Variants in ANKRD13D observed in about 807,000 individuals in gnomAD.
ANKRD13D encodes ankyrin repeat domain-containing protein 13D.
Under a neutral mutation model 68.8 loss-of-function variants are expected in ANKRD13D, and 24 were observed. The ratio of observed to expected loss-of-function variants is 0.35; its 90% CI spans 0.25 to 0.49. ANKRD13D has a LOEUF of 0.49. ANKRD13D is among the 20% of genes least tolerant of loss of function. The pLI is 0.99. For synonymous variants in ANKRD13D, 331 were observed against 336.1 expected, an observed-to-expected ratio of 0.98 and a Z score of 0.16; for missense variants, 735 against 832.1, an observed-to-expected ratio of 0.88 and a Z score of 1.44.
At chr11:67,292,557 C>T (rs1404740894) in intron 6 of ANKRD13D, among the ~76,000 whole-genome samples, 1 of 151,864 alleles carries the variant, frequency 6.6e-6, no homozygotes, top group East Asian at 1.9e-4. Flanking sequence ...GGAACCTGAC[C>T]CTTCCAGCAA....
In ANKRD13D at chr11:67,291,354, A is replaced by G. The variant is rs1590864175; in HGVS notation, c.352-122A>G. The G allele has an allele frequency of 9.7e-6, 5 of 518,010 alleles. No homozygotes were observed. The South Asian group carries it at 2.6e-4, about 27-fold the overall frequency. The allele number at this position is 518,010 out of a possible 1,614,324, so 32.1% of individuals were successfully genotyped here. ...GCCTGGGTGACAGAGCAAGTCTCAA[A>G]AAAAAAAAAAAAAAAAAAAAAGACC... On this transcript the variant is annotated intron_variant, in intron 3 of 14. Transcript: ENST00000511455.
Position 67,299,282 on chromosome 11 carries a change from A to AGGGGCT in ANKRD13D, c.798+161_798+162insGCTGGG. On this transcript the variant is annotated intron_variant, in intron 7 of 14. Transcript: ENST00000511455. The surrounding 1 kb of genome is among the most constrained non-coding windows in gnomAD (Gnocchi z 6.2). ...AGTGCCCAGCCCCTGCGGAGTACAC[A>AGGGGCT]GGGCTCACCCACATCATGGGCCCCT... The AGGGGCT allele has an allele frequency of 1.2e-6, 1 of 868,528 alleles. No homozygotes were observed. The highest frequency in any genetic ancestry group is 1.8e-6 in the Non-Finnish European group (1 of 555,056). The allele number at this position is 868,528 out of a possible 1,614,324, so 53.8% of individuals were successfully genotyped here. A position where few individuals can be genotyped will look rare whatever the true frequency, so the allele number is the denominator to read the frequency against.
chr11:67,297,524 TGG>T (rs1860801087), intron 6 of ANKRD13D, among the ~76,000 whole-genome samples: 12 of 77,844 alleles, frequency 1.5e-4, no homozygotes, highest in Admixed American at 1.2e-3. Context: ...ATAAGTTTTT[TGG>T]TTTTTTTTTT....
intron 6 of ANKRD13D, among the ~76,000 whole-genome samples, chr11:67,295,425 A>G (rs926114568): frequency 3.3e-5 from 5 of 149,976 alleles, no homozygotes; most frequent in African/African-American, 9.9e-5. Context: ...TCAAAAAAAA[A>G]GGGGGGTGGT....
intron 6 of ANKRD13D, among the ~76,000 whole-genome samples, chr11:67,295,879 C>A (rs930581471): frequency 5.3e-5 from 8 of 152,064 alleles, no homozygotes; most frequent in Non-Finnish European, 7.4e-5. Flanking sequence ...TGGTAGATAC[C>A]CTTCATCAGG....
chr11:67,290,026 C>T (rs1460419657), intron 1 of ANKRD13D, 52 bp from the exon 2 acceptor site: 2 of 1,507,326 alleles, frequency 1.3e-6, no homozygotes, highest in East Asian at 2.5e-5. Flanking sequence ...TGGCAGCCTC[C>T]CTGCCTTGCC....
In ANKRD13D at chr11:67,289,435, G is replaced by T; in HGVS notation, c.-26G>T. The T allele has an allele frequency of 7.0e-7, 1 of 1,426,230 alleles. No individual in the cohort carries two copies. Among genetic ancestry groups the T allele is most frequent in the Non-Finnish European group, 9.1e-7 (1 of 1,095,936 alleles). 88.3% of individuals were successfully genotyped at this position (1,426,230 alleles called of 1,614,324 possible). The stretch of plus-strand genomic sequence containing the variant: ...GTGCCAGGCCCGAAGCCGAGGCGGG[G>T]CCGGGATGCGGCGCTGAGGCCCAGC... On this transcript the variant is annotated 5_prime_UTR_variant, in exon 1 of 15. Coordinates refer to ENST00000511455, the MANE Select transcript of ANKRD13D (RefSeq NM_207354.3).
In ANKRD13D at chr11:67,299,122, A is replaced by C. The variant is rs1323647194; in HGVS notation, c.796A>C (p.Lys266Gln). The C allele has an allele frequency of 2.6e-6, 3 of 1,147,688 alleles. No individual in the cohort carries two copies. Among genetic ancestry groups the C allele is most frequent in the South Asian group, 1.2e-5 (1 of 82,032 alleles). 71.1% of individuals were successfully genotyped at this position (1,147,688 alleles called of 1,614,324 possible). ...KMETVSGYEA[K>Q]VYSATNVELV... ...GGAAACTGTTAGCGGCTACGAGGCC[A>C]AGGCAGGAGAGGCTAGGGGTGGGGG... Residue 266 changes from lysine to glutamine, a missense_variant and splice_region_variant, in exon 7 of 15, where the codon AAG becomes CAG. By Grantham distance (53) the Lys-to-Gln change is moderately conservative. Transcript: ENST00000511455. This position sits in a 1 kb window ranked among gnomAD's most constrained non-coding sequence, Gnocchi z 6.2.
At chr11:67,292,948 T>A (rs1203235649) in intron 6 of ANKRD13D, among the ~76,000 whole-genome samples, 3 of 152,236 alleles carry the variant, frequency 2.0e-5, no homozygotes, top group Admixed American at 2.0e-4. Context: ...TCACTTAGTA[T>A]AATATATTCA....
Position 67,290,369 on chromosome 11 carries a change from G to C in ANKRD13D, c.274G>C (p.Val92Leu), listed in dbSNP as rs764208135. The change falls in exon 3 of 15, where the codon GTG (valine) becomes CTG (leucine). Residue 92 changes from valine (V) to leucine (L), a missense_variant. Val to Leu is a conservative substitution (Grantham distance 32). Transcript: ENST00000511455. ...STGDPEMVQL[V>L]LQYRDYQRAT... is the part of the protein sequence containing the mutation. ...TGGAGACCCCGAGATGGTGCAGCTG[G>C]TGCTCCAGTATCGGGACTACCAGAG... 2 of 1,582,018 alleles carry C rather than the reference G, an allele frequency of 1.3e-6. No homozygotes were observed. Among genetic ancestry groups the C allele is most frequent in the Non-Finnish European group, 1.7e-6 (2 of 1,164,882 alleles).
chr11:67,301,337 C>G lies in ANKRD13D; in HGVS notation c.1287C>G (p.Gly429=). 1 of 1,613,830 alleles carries G rather than the reference C, an allele frequency of 6.2e-7. No homozygotes were observed. The highest frequency in any genetic ancestry group is 8.5e-7 in the Non-Finnish European group (1 of 1,179,922). The part of the protein sequence containing the change: ...NARITFSNLC[G]CDEPLSSVWV... The stretch of plus-strand genomic sequence containing the variant: ...GCATCACCTTCAGCAACCTGTGTGG[C>G]TGTGATGAGCCCCTGAGCTCCGTGT... The change falls in exon 12 of 15, where the codon GGC becomes GGG. Residue 429 remains glycine (G), a synonymous_variant. Transcript: ENST00000511455. This position sits in a 1 kb window ranked among gnomAD's most constrained non-coding sequence, Gnocchi z 4.5.
rs1385293737 is a variant in ANKRD13D at position 67,300,668 on chromosome 11, C to T, written c.1074-322C>T. 2.0e-6 allele frequency: 1 copy of T among 506,030 alleles called. No individual in the cohort carries two copies. Among genetic ancestry groups the T allele is most frequent in the African/African-American group, 1.9e-5 (1 of 51,332 alleles). 31.3% of individuals were successfully genotyped at this position (506,030 alleles called of 1,614,324 possible). A position where few individuals can be genotyped will look rare whatever the true frequency, so the allele number is the denominator to read the frequency against. ...TGGCAACACGTGAGCTGGTGACCAG[C>T]TCTGGGCTGAGGAGGAAAACGGGGC... On this transcript the variant is annotated intron_variant, in intron 10 of 14. Coordinates refer to ENST00000511455, the MANE Select transcript of ANKRD13D (RefSeq NM_207354.3). The surrounding 1 kb of genome is among the most constrained non-coding windows in gnomAD (Gnocchi z 4.3).
intron 3 of ANKRD13D, chr11:67,290,905 C>T (rs147851366): frequency 5.6e-6 from 1 of 178,336 alleles, no homozygotes; most frequent in African/African-American, 2.4e-5. Flanking sequence ...AACAAAGGCT[C>T]CCCCAGGGCT....
Position 67,301,993 on chromosome 11 carries a change from C to T in ANKRD13D, c.1605-126C>T, listed in dbSNP as rs1041725383. On this transcript the variant is annotated intron_variant, in intron 14 of 14. Transcript: ENST00000511455. The surrounding 1 kb of genome is among the most constrained non-coding windows in gnomAD (Gnocchi z 4.5). ...GAGGGGTGGGGAAGCAGGGCCCTGC[C>T]TTGTCTCCTCTGCTTGCCACCCTGT... 40 of 1,358,740 alleles carry T rather than the reference C, an allele frequency of 2.9e-5. No homozygotes were observed. The highest frequency in any genetic ancestry group is 3.7e-5 in the Non-Finnish European group (38 of 1,014,660). 84.2% of individuals were successfully genotyped at this position (1,358,740 alleles called of 1,614,324 possible). A position where few individuals can be genotyped will look rare whatever the true frequency, so the allele number is the denominator to read the frequency against.
intron 6 of ANKRD13D, among the ~76,000 whole-genome samples, chr11:67,295,012 A>G (rs1309161704): frequency 1.3e-5 from 2 of 152,086 alleles, no homozygotes; most frequent in Non-Finnish European, 2.9e-5. Flanking sequence ...ATATAAGATT[A>G]TGTTATCTGT....
rs1217185990 is a variant in ANKRD13D, at chr11:67,301,539, G to C, written c.1400G>C (p.Gly467Ala). 10 of 1,613,092 alleles carry C rather than the reference G, an allele frequency of 6.2e-6. No homozygotes were observed. In the East Asian group the frequency reaches 2.2e-4, roughly 36 times the overall value. Reference protein sequence around the residue: ...VDPTVFEVPNGYSVLGMERNE... With the variant: ...VDPTVFEVPNAYSVLGMERNE... The stretch of plus-strand genomic sequence containing the variant: ...CCCACCGTGTTTGAAGTGCCCAACG[G>C]GTACAGCGTGCTGGGCATGGAGCGC... The change falls in exon 13 of 15, where the codon GGG (glycine) becomes GCG (alanine). Residue 467 changes from glycine to alanine, a missense_variant. Physicochemically the swap from Gly to Ala is moderately conservative, Grantham distance 60. Transcript: ENST00000511455. The surrounding 1 kb of genome is among the most constrained non-coding windows in gnomAD (Gnocchi z 4.5).
chr11:67,299,615 A>C lies in ANKRD13D; in HGVS notation c.880+4A>C. 1 of 1,550,862 alleles carries C rather than the reference A, an allele frequency of 6.4e-7. No individual in the cohort carries two copies. The highest frequency in any genetic ancestry group is 8.7e-7 in the Non-Finnish European group (1 of 1,146,904). ...CAGGACAAGTCGAGGAGCAAAGGTA[A>C]ACCCAGGTGCGCCTGCCTGCTGCCC... On this transcript the variant is annotated splice_donor_region_variant and intron_variant, in intron 8 of 14. Coordinates refer to ENST00000511455, the MANE Select transcript of ANKRD13D (RefSeq NM_207354.3). The surrounding 1 kb of genome is among the most constrained non-coding windows in gnomAD (Gnocchi z 6.2).
Position 67,302,253 on chromosome 11 carries a change from A to T in ANKRD13D, c.1739A>T (p.Gln580Leu). Residue 580 changes from glutamine to leucine, a missense_variant, in exon 15 of 15, where the codon CAG (glutamine) becomes CTG (leucine). Gln to Leu is a moderately radical substitution (Grantham distance 113). Coordinates refer to ENST00000511455, the MANE Select transcript of ANKRD13D (RefSeq NM_207354.3). ...GCCCTGGAGTTGTCTTCACGGGAGC[A>T]GGAGGAGCGGGAGCGGCGCGGGCAG... Reference protein sequence around the residue: ...RLALELSSREQEERERRGQQE... With the variant: ...RLALELSSRELEERERRGQQE... 6.4e-7 allele frequency: 1 copy of T among 1,573,354 alleles called. No individual in the cohort carries two copies. Among genetic ancestry groups the T allele is most frequent in the Non-Finnish European group, 8.6e-7 (1 of 1,159,022 alleles).
chr11:67,292,530 C>T (rs1860606670), intron 6 of ANKRD13D, among the ~76,000 whole-genome samples: 1 of 151,968 alleles, frequency 6.6e-6, no homozygotes, highest in Non-Finnish European at 1.5e-5. Context: ...GGGGCAGAAT[C>T]CTTTGTGGGT....
Sources: allele counts gnomAD v4.1 joint callset (sites outside exome capture counted in the v4.1 genomes callset), GRCh38; gene constraint gnomAD v4.1.1; non-coding constraint Gnocchi (gnomAD v3.1); transcripts MANE v1.5; gene names NCBI Gene and HGNC (gene_info 2026-07-23, HGNC 2026-07-21).